The following SART1 variants were observed in gnomAD, a reference collection of about 807,000 sequenced individuals.
SART1 encodes spliceosome associated factor 1, recruiter of U4/U6.U5 tri-snRNP.
In SART1, 28 loss-of-function variants were observed where a neutral mutation model predicts 105.0. That is an observed-to-expected ratio of 0.27 (90% CI 0.20 to 0.37). SART1 has a LOEUF of 0.37. SART1 is among the 10% of genes least tolerant of loss of function. The probability of loss-of-function intolerance (pLI) is 1.00; values close to 1 mark genes in which losing one functional copy is unlikely to be tolerated. For missense variants in SART1, 894 were observed against 1,106.5 expected (o/e 0.81, Z 2.72); for synonymous variants, 472 against 462.9 (o/e 1.02, Z -0.25).
chr11:65,967,945 G>GTTT, intron 12 of SART1, 124 bp downstream of exon 12: 1 of 763,804 alleles, frequency 1.3e-6, no homozygotes, highest in Non-Finnish European at 1.9e-6. Flanking sequence ...TGTTTTCTGG[G>GTTT]TTTGTTTTTT....
chr11:65,970,252 G>A (rs181590526), intron 12 of SART1, among the ~76,000 whole-genome samples: 142 of 152,144 alleles, frequency 9.3e-4, no homozygotes, highest in Non-Finnish European at 1.6e-3. Context: ...GCCTTCTCCC[G>A]CATAGCCACA....
intron 12 of SART1, among the ~76,000 whole-genome samples, chr11:65,968,565 T>C (rs1025421918): frequency 7.2e-5 from 11 of 152,106 alleles, no homozygotes; most frequent in African/African-American, 2.4e-4. Context: ...GGATCTTAGA[T>C]GGGAGAGTGC....
chr11:65,976,472 C>T lies in SART1; in HGVS notation c.1650C>T (p.Ala550=), dbSNP rs1855483016. Residue 550 remains alanine (A), a synonymous_variant, in exon 13 of 20, where the codon GCC becomes GCT. Coordinates refer to ENST00000312397, the MANE Select transcript of SART1 (RefSeq NM_005146.5). This position sits in a 1 kb window ranked among gnomAD's most constrained non-coding sequence, Gnocchi z 5.1. The part of the protein sequence containing the change: ...EEDEDPERKG[A]IVFNATSEFC... Reference sequence around the variant, plus strand: ...ATGAGGATCCCGAGCGGAAGGGGGCCATCGTGTTCAACGCCACGTCCGAGT... The same window carrying T: ...ATGAGGATCCCGAGCGGAAGGGGGCTATCGTGTTCAACGCCACGTCCGAGT... 1 of 1,574,394 alleles carries T rather than the reference C, an allele frequency of 6.4e-7. No homozygotes were observed.
At position 65,976,968 on chromosome 11, in the gene SART1, A is replaced by T; in HGVS notation, c.1858-46A>T. 6.7e-7 allele frequency: 1 copy of T among 1,488,926 alleles called. No homozygotes were observed. The highest frequency in any genetic ancestry group is 9.4e-7 in the Non-Finnish European group (1 of 1,066,580). The allele number at this position is 1,488,926 out of a possible 1,614,324, so 92.2% of individuals were successfully genotyped here. On this transcript the variant is annotated intron_variant, in intron 14 of 19. Transcript: ENST00000312397. The surrounding 1 kb of genome is among the most constrained non-coding windows in gnomAD (Gnocchi z 5.1). ...GTGGTGACCAGTGGGTGGGGCTGAGAAGAGCCGGTATGGCCTGCTAACCAC... is the reference window on the plus strand; with the variant it reads ...GTGGTGACCAGTGGGTGGGGCTGAGTAGAGCCGGTATGGCCTGCTAACCAC...
At chr11:65,963,829 G>A (rs1317241147) in intron 1 of SART1, among the ~76,000 whole-genome samples, 1 of 152,198 alleles carries the variant, frequency 6.6e-6, no homozygotes, top group African/African-American at 2.4e-5. Context: ...GCAGAGTGGT[G>A]ACTACAGCAG....
At chr11:65,977,349 T>C (rs1384934798) in intron 15 of SART1, among the ~76,000 whole-genome samples, 4 of 152,188 alleles carry the variant, frequency 2.6e-5, no homozygotes, top group Non-Finnish European at 5.9e-5. Flanking sequence ...CAGAGAGCCC[T>C]GGTGTTAGGA....
chr11:65,966,889 G>T (rs1201644422), intron 9 of SART1, among the ~76,000 whole-genome samples: 3 of 152,158 alleles, frequency 2.0e-5, no homozygotes, highest in Admixed American at 2.0e-4. Context: ...TGACAGCGTG[G>T]GTGAGGGGTG....
chr11:65,975,472 G>A (rs1565317539), intron 12 of SART1, among the ~76,000 whole-genome samples: 1 of 144,852 alleles, frequency 6.9e-6, no homozygotes, highest in Non-Finnish European at 1.5e-5. Context: ...TGAGTGCAGT[G>A]GTGTGATCTT....
Position 65,965,764 on chromosome 11 carries a change from C to A in SART1, c.723C>A (p.Phe241Leu), listed in dbSNP as rs1436941831. 2 of 1,613,902 alleles carry A rather than the reference C, an allele frequency of 1.2e-6. No homozygotes were observed. The highest frequency in any genetic ancestry group is 4.5e-5 in the East Asian group (2 of 44,872). ...TCAGCACTCTGGTGGAGGAGGAGTT[C>A]GGGCAGAGGCGGCAGGTGAGGCTGC... ...FGVSTLVEEE[F>L]GQRRQDLYSA... is the part of the protein sequence containing the mutation. Residue 241 changes from phenylalanine to leucine, a missense_variant, in exon 6 of 20, where the codon TTC (phenylalanine) becomes TTA (leucine). Phe to Leu is a conservative substitution (Grantham distance 22). Coordinates refer to ENST00000312397, the MANE Select transcript of SART1 (RefSeq NM_005146.5).
chr11:65,976,780 C>T lies in SART1; in HGVS notation c.1857+14C>T, dbSNP rs749937405. ...CAGCAGCAGGATGTGAGGGCCGCGC[C>T]GCTGGGGGGTGGGCGTTTGGGGGTG... On this transcript the variant is annotated intron_variant, in intron 14 of 19. Coordinates refer to ENST00000312397, the MANE Select transcript of SART1 (RefSeq NM_005146.5). The surrounding 1 kb of genome is among the most constrained non-coding windows in gnomAD (Gnocchi z 5.1). 28 of 1,588,816 alleles carry T rather than the reference C, an allele frequency of 1.8e-5. No individual in the cohort carries two copies. Among genetic ancestry groups the T allele is most frequent in the Admixed American group, 1.2e-4 (7 of 56,524 alleles).
At chr11:65,963,841 T>C (rs1033053515) in intron 1 of SART1, among the ~76,000 whole-genome samples, 1 of 152,034 alleles carries the variant, frequency 6.6e-6, no homozygotes, top group Non-Finnish European at 1.5e-5. Context: ...CTACAGCAGT[T>C]TGGATGTCTT....
At chr11:65,966,293 G>T (rs1350936559) in intron 8 of SART1, 57 bp from the exon 9 acceptor site, 6 of 1,613,632 alleles carry the variant, frequency 3.7e-6, no homozygotes, top group Non-Finnish European at 5.1e-6. Context: ...GGAGGTGGTG[G>T]CTCAGTGGCT....
chr11:65,967,419 G>A, intron 10 of SART1, 36 bp downstream of exon 10: 3 of 1,613,798 alleles, frequency 1.9e-6, no homozygotes, highest in Non-Finnish European at 1.7e-6. Flanking sequence ...GAGATGGCTG[G>A]GCTGGGGTGG....
At chr11:65,969,885 G>A (rs766925965) in intron 12 of SART1, among the ~76,000 whole-genome samples, 6 of 152,164 alleles carry the variant, frequency 3.9e-5, no homozygotes, top group Non-Finnish European at 5.9e-5. Context: ...ACCACGCCCA[G>A]CTGATTTTTG....
intron 12 of SART1, among the ~76,000 whole-genome samples, chr11:65,974,756 C>T (rs1455406268): frequency 2.6e-5 from 4 of 152,032 alleles, no homozygotes; most frequent in Non-Finnish European, 5.9e-5. Context: ...GTGTTCCTGG[C>T]CAGGCGCGGT....
chr11:65,973,614 C>T (rs540990552), intron 12 of SART1, among the ~76,000 whole-genome samples: 29 of 152,336 alleles, frequency 1.9e-4, no homozygotes, highest in Admixed American at 5.2e-4. Context: ...GGAATGTGTG[C>T]GTGCCCGGGG....
chr11:65,962,209 T>C (rs57968007), intron 1 of SART1, 116 bp downstream of exon 1: 32,021 of 762,018 alleles, frequency 0.042, 1,546 homozygotes, highest in African/African-American at 0.18. Flanking sequence ...CCCAAGCTGT[T>C]TACCAGCTCT....
chr11:65,964,523 G>A lies in SART1; in HGVS notation c.380G>A (p.Arg127Gln). Reference sequence around the variant, plus strand: ...GTATCTCTTGTTGTCAGCAAACTCCGGGCAAAGTTGGGGCTGAAACCCTTG... The same window carrying A: ...GTATCTCTTGTTGTCAGCAAACTCCAGGCAAAGTTGGGGCTGAAACCCTTG... ...SLSIEETNKL[R>Q]AKLGLKPLEV... Residue 127 changes from arginine to glutamine, a missense_variant, in exon 3 of 20, where the codon CGG becomes CAG. By Grantham distance (43) the Arg-to-Gln change is conservative. Around this residue, in one of 2 missense-constraint regions of SART1, gnomAD observed 712 missense variants for 778.2 expected, o/e 0.91. Coordinates refer to ENST00000312397, the MANE Select transcript of SART1 (RefSeq NM_005146.5). The A allele has an allele frequency of 1.9e-6, 3 of 1,613,240 alleles. No individual in the cohort carries two copies. The highest frequency in any genetic ancestry group is 2.5e-6 in the Non-Finnish European group (3 of 1,179,806).
intron 1 of SART1, among the ~76,000 whole-genome samples, chr11:65,962,426 C>T (rs1855165537): frequency 6.6e-6 from 1 of 152,186 alleles, no homozygotes; most frequent in Non-Finnish European, 1.5e-5. Context: ...CCTCAGTTGT[C>T]TGGTACAATC....
Sources: gnomAD v4.1 joint callset for allele counts (sites outside exome capture counted in the v4.1 genomes callset) on GRCh38, gnomAD v4.1.1 for gene constraint, gnomAD v4.1.1 regional missense constraint, Gnocchi (gnomAD v3.1) non-coding constraint, MANE v1.5 for transcripts, NCBI Gene and HGNC (gene_info 2026-07-23, HGNC 2026-07-21) for gene names.